GALNT14: variants seen among roughly 807,000 people sequenced by gnomAD.
GALNT14 encodes UDP-GalNAc:polypeptide N-acetylgalactosaminyltransferase 14.
GALNT14 carries 60 observed loss-of-function variants against 77.5 expected under a neutral mutation model. The observed-to-expected ratio is 0.77, with a 90% CI of 0.63 to 0.96. The LOEUF is 0.96. Among genes scored for constraint, GALNT14 ranks in the 40% least tolerant of loss-of-function variants. GALNT14 has a pLI of 0.00. For synonymous variants in GALNT14, 280 were observed against 281.7 expected, an observed-to-expected ratio of 0.99 and a Z score of 0.06; for missense variants, 710 against 731.0, an observed-to-expected ratio of 0.97 and a Z score of 0.33.
rs576033879 is a variant in GALNT14 at position 31,031,622 on chromosome 2, C to A, written c.130-38615G>T. On this transcript the variant is annotated intron_variant, in intron 1 of 14. Transcript: ENST00000349752. ...CACCAAGTTGAAGAAATCTAGTCCC[C>A]AAACTGTTACACCTTGTTGACACAT... 1.1e-4 allele frequency among the ~76,000 whole-genome samples: 17 copies of A among 152,282 alleles called. No individual in the cohort carries two copies. In the East Asian group the frequency reaches 3.3e-3, roughly 29 times the overall value.
chr2:31,124,754 A>G (rs1678614309), intron 1 of GALNT14, among the ~76,000 whole-genome samples: 1 of 152,182 alleles, frequency 6.6e-6, no homozygotes, highest in African/African-American at 2.4e-5. Context: ...AACCAGTATG[A>G]CTGTACTGGT....
At chr2:31,087,937 C>T (rs1243713668) in intron 1 of GALNT14, among the ~76,000 whole-genome samples, 4 of 152,320 alleles carry the variant, frequency 2.6e-5, no homozygotes, top group South Asian at 4.1e-4. Context: ...AGAGCTCCCT[C>T]GCCCCTTTTC....
chr2:30,977,360 G>T (rs1180574264), intron 2 of GALNT14, among the ~76,000 whole-genome samples: 1 of 152,142 alleles, frequency 6.6e-6, no homozygotes, highest in Non-Finnish European at 1.5e-5. Flanking sequence ...CAAAGTGCTG[G>T]GGTTACAGGC....
chr2:31,123,608 CCTT>C (rs772997618), intron 1 of GALNT14, among the ~76,000 whole-genome samples: 1 of 152,124 alleles, frequency 6.6e-6, no homozygotes. Context: ...CTCCCTAAAT[CCTT>C]CTTCTTCTAA....
intron 1 of GALNT14, among the ~76,000 whole-genome samples, chr2:31,072,234 G>A (rs1675425128): frequency 6.8e-6 from 1 of 147,890 alleles, no homozygotes; most frequent in Admixed American, 6.7e-5. Context: ...CCTCCACTGT[G>A]TGTATGTCTC....
At chr2:31,051,596 G>A (rs1673871322) in intron 1 of GALNT14, among the ~76,000 whole-genome samples, 1 of 152,148 alleles carries the variant, frequency 6.6e-6, no homozygotes, top group Admixed American at 6.5e-5. Context: ...ACAATTGCAT[G>A]AGCTAATGCC....
chr2:30,924,118 C>T lies in GALNT14; in HGVS notation c.1380+1G>A, dbSNP rs1415656200. 6.2e-7 allele frequency: 1 copy of T among 1,614,220 alleles called. No individual in the cohort carries two copies. The highest frequency in any genetic ancestry group is 8.5e-7 in the Non-Finnish European group (1 of 1,180,032). On this transcript the variant is annotated splice_donor_variant, in intron 13 of 14. Coordinates refer to ENST00000349752, the MANE Select transcript of GALNT14 (RefSeq NM_024572.4). LOFTEE classifies it high-confidence loss of function. ...CCTGTATGCCCAGCCAGTTACTTTA[C>T]CTGGGACTTTGCATCTTCGCCTTTG...
intron 2 of GALNT14, among the ~76,000 whole-genome samples, chr2:30,968,320 C>A (rs1250960780): frequency 6.6e-6 from 1 of 152,266 alleles, no homozygotes; most frequent in Non-Finnish European, 1.5e-5. Context: ...TGCCACTGAT[C>A]TTCACTAACT....
At chr2:31,084,981 C>T (rs1452223610) in intron 1 of GALNT14, among the ~76,000 whole-genome samples, 2 of 151,420 alleles carry the variant, frequency 1.3e-5, no homozygotes, top group African/African-American at 2.4e-5. Context: ...GTGCCAAGAT[C>T]GCACCATTGT....
At chr2:31,130,781 T>TGC (rs1353124199) in intron 1 of GALNT14, among the ~76,000 whole-genome samples, 38 of 124,208 alleles carry the variant, frequency 3.1e-4, no homozygotes, top group South Asian at 1.1e-3. Flanking sequence ...TGTGTGTGTG[T>TGC]GTGCGCGCGC....
intron 1 of GALNT14, among the ~76,000 whole-genome samples, chr2:31,108,820 A>G (rs538598083): frequency 7.9e-5 from 12 of 152,254 alleles, no homozygotes; most frequent in African/African-American, 2.4e-4. Flanking sequence ...CCTGCTCCCT[A>G]CTGAGCTTTG....
chr2:31,064,166 T>C (rs1674786991), intron 1 of GALNT14, among the ~76,000 whole-genome samples: 1 of 152,182 alleles, frequency 6.6e-6, no homozygotes, highest in South Asian at 2.1e-4. Flanking sequence ...ATGCTTGATT[T>C]GAGTAGGGAT....
At chr2:30,955,891 C>T (rs755791771) in intron 5 of GALNT14, 21 bp downstream of exon 5, 23 of 1,613,562 alleles carry the variant, frequency 1.4e-5, no homozygotes, top group Non-Finnish European at 1.9e-5. Context: ...TGGAGGCTCC[C>T]GCACAACAGC....
At chr2:30,975,988 C>T (rs1319662733) in intron 2 of GALNT14, among the ~76,000 whole-genome samples, 2 of 152,202 alleles carry the variant, frequency 1.3e-5, no homozygotes, top group African/African-American at 4.8e-5. Flanking sequence ...TCCCTCCTGT[C>T]TCCTCTCTTC....
chr2:31,043,144 T>C (rs1300661359), intron 1 of GALNT14, among the ~76,000 whole-genome samples: 1 of 152,194 alleles, frequency 6.6e-6, no homozygotes, highest in Non-Finnish European at 1.5e-5. Flanking sequence ...TTTAGTTTTC[T>C]CTGCCTGGAA....
intron 1 of GALNT14, among the ~76,000 whole-genome samples, chr2:31,106,893 G>A (rs1369137202): frequency 1.3e-5 from 2 of 152,120 alleles, no homozygotes; most frequent in East Asian, 3.9e-4. Context: ...ATGGAAGGAG[G>A]GCCCAGGGTA....
At chr2:31,086,379 G>A (rs931158298) in intron 1 of GALNT14, among the ~76,000 whole-genome samples, 1 of 152,146 alleles carries the variant, frequency 6.6e-6, no homozygotes, top group African/African-American at 2.4e-5. Flanking sequence ...TCATCACCAG[G>A]CTGTATAGCT....
intron 1 of GALNT14, among the ~76,000 whole-genome samples, chr2:31,036,050 G>C (rs543550294): frequency 2.0e-5 from 3 of 152,292 alleles, no homozygotes; most frequent in South Asian, 4.1e-4. Flanking sequence ...GTCTTATAGA[G>C]AGCAAATAGT....
chr2:30,955,918 G>A lies in GALNT14; in HGVS notation c.526C>T (p.Arg176Trp), dbSNP rs777768523. 20 of 1,613,844 alleles carry A rather than the reference G, an allele frequency of 1.2e-5. No homozygotes were observed. Among genetic ancestry groups the A allele is most frequent in the South Asian group, 6.6e-5 (6 of 91,066 alleles). ...CACAACAGCTCAGACCTACCTTGCC[G>A]TTCATTATTGCGCAAGCATTTCACC... Reference protein sequence around the residue: ...PKVKCLRNNERQGLVRSRIRG... With the variant: ...PKVKCLRNNEWQGLVRSRIRG... The change falls in exon 5 of 15, where the codon CGG (arginine) becomes TGG (tryptophan). Residue 176 changes from arginine to tryptophan, a missense_variant. By Grantham distance (101) the Arg-to-Trp change is moderately radical. Coordinates refer to ENST00000349752, the MANE Select transcript of GALNT14 (RefSeq NM_024572.4).
Sources: gnomAD v4.1 joint callset for allele counts (sites outside exome capture counted in the v4.1 genomes callset) on GRCh38, gnomAD v4.1.1 for gene constraint, MANE v1.5 for transcripts, NCBI Gene and HGNC (gene_info 2026-07-23, HGNC 2026-07-21) for gene names.